The following TMCO6 variants were observed in gnomAD, a reference collection of about 807,000 sequenced individuals.
TMCO6 encodes the protein transmembrane and coiled-coil domain-containing protein 6.
Under a neutral mutation model 61.8 loss-of-function variants are expected in TMCO6, and 47 were observed. The observed-to-expected ratio is 0.76, with a 90% confidence interval of 0.60 to 0.97. The LOEUF (loss-of-function observed/expected upper bound fraction) is 0.97. Ranked by LOEUF, TMCO6 falls within the 50% of genes least tolerant of loss-of-function variation. TMCO6 has a pLI of 0.00. For synonymous variants in TMCO6, 261 were observed against 254.2 expected, an observed-to-expected ratio of 1.03 and a Z score of -0.25; for missense variants, 557 against 601.6, an observed-to-expected ratio of 0.93 and a Z score of 0.78.
downstream of TMCO6, chr5:140,647,717 AG>A (rs1293129386): frequency 1.5e-6 from 2 of 1,367,004 alleles, no homozygotes; most frequent in Admixed American, 3.9e-5. Flanking sequence ...ATGATATAAA[AG>A]TATTGTAGGA....
chr5:140,605,353 C>A, the TMCO6 span, among the ~76,000 whole-genome samples: 5 of 152,054 alleles, frequency 3.3e-5, no homozygotes, highest in African/African-American at 1.2e-4. Context: ...CTGGCTAAAA[C>A]TTCTGGTACG....
the TMCO6 span, among the ~76,000 whole-genome samples, chr5:140,596,736 A>G: frequency 6.6e-6 from 1 of 152,176 alleles, no homozygotes; most frequent in East Asian, 1.9e-4. Context: ...CCCCTGGGGT[A>G]TAAAGCCCAG....
chr5:140,619,398 C>T, the TMCO6 span, among the ~76,000 whole-genome samples: 1,775 of 152,150 alleles, frequency 0.012, 14 homozygotes, highest in Admixed American at 0.02. Context: ...AGCTTGGGCA[C>T]GGAGGAAGGT....
chr5:140,643,733 G>A, intron 8 of TMCO6, 47 bp from the exon 9 acceptor site: 1 of 1,607,470 alleles, frequency 6.2e-7, no homozygotes, highest in South Asian at 1.1e-5. Context: ...CTGGAATGCA[G>A]GTAACCTCTT....
the TMCO6 span, chr5:140,631,855 C>T: frequency 1.3e-6 from 2 of 1,547,838 alleles, no homozygotes; most frequent in East Asian, 4.5e-5. Context: ...TGTCTTGGAT[C>T]TTAGGCAAAG....
chr5:140,640,561 A>G (rs1266567019), intron 2 of TMCO6, among the ~76,000 whole-genome samples: 2 of 151,414 alleles, frequency 1.3e-5, no homozygotes, highest in East Asian at 3.9e-4. Flanking sequence ...GCGCGCCACC[A>G]CTAATTTTTG....
chr5:140,598,565 C>A, the TMCO6 span, among the ~76,000 whole-genome samples: 1 of 152,190 alleles, frequency 6.6e-6, no homozygotes, highest in East Asian at 1.9e-4. Flanking sequence ...AGTACAGTAT[C>A]TTTTGTTCCA....
At chr5:140,644,228 G>C in intron 10 of TMCO6, 34 bp downstream of exon 10, 2 of 1,601,840 alleles carry the variant, frequency 1.2e-6, no homozygotes, top group Non-Finnish European at 8.6e-7. Context: ...CCAAGATCTG[G>C]TAGTCGGATT....
the TMCO6 span, among the ~76,000 whole-genome samples, chr5:140,628,373 C>A: frequency 6.0e-3 from 921 of 152,236 alleles, 9 homozygotes; most frequent in African/African-American, 0.022. Context: ...TTTTATCCAG[C>A]CCCTGTTCAA....
chr5:140,643,119 T>A, intron 7 of TMCO6, 78 bp downstream of exon 7: 1 of 1,593,272 alleles, frequency 6.3e-7, no homozygotes, highest in Non-Finnish European at 8.6e-7. Flanking sequence ...TGAACTTGTG[T>A]CTGGAATTGC....
chr5:140,639,815 A>T lies in TMCO6; in HGVS notation c.162A>T (p.Gly54=). 6.2e-7 allele frequency: 1 copy of T among 1,609,894 alleles called. No individual in the cohort carries two copies. Among genetic ancestry groups the T allele is most frequent in the Non-Finnish European group, 8.5e-7 (1 of 1,178,688 alleles). The stretch of plus-strand genomic sequence containing the variant: ...GAAACGACGCCCCAGAGGAAGCTGG[A>T]GAGGGATGTGTGGCTGCGATCCTCG... The part of the protein sequence containing the change: ...LLRNDAPEEA[G]EGCVAAILGE... Residue 54 remains glycine (G), a synonymous_variant, in exon 2 of 12, where the codon GGA becomes GGT. Coordinates refer to ENST00000394671, the MANE Select transcript of TMCO6 (RefSeq NM_018502.5).
At chr5:140,620,116 TG>T in the TMCO6 span, among the ~76,000 whole-genome samples, 2 of 152,176 alleles carry the variant, frequency 1.3e-5, no homozygotes, top group East Asian at 3.8e-4. Context: ...TGCCAAAACT[TG>T]GGGGCAACTA....
chr5:140,639,923 T>C, intron 2 of TMCO6, 72 bp downstream of exon 2: 1 of 1,354,668 alleles, frequency 7.4e-7, no homozygotes, highest in Non-Finnish European at 1.0e-6. Context: ...ACTCGAGGTC[T>C]GCCCCAAACC....
chr5:140,622,407 C>T, the TMCO6 span, among the ~76,000 whole-genome samples: 1 of 152,204 alleles, frequency 6.6e-6, no homozygotes. Context: ...CCCCTGCTAT[C>T]TGCTCAAGTT....
At chr5:140,617,932 G>A in the TMCO6 span, among the ~76,000 whole-genome samples, 6 of 152,216 alleles carry the variant, frequency 3.9e-5, no homozygotes, top group African/African-American at 1.4e-4. Context: ...TATGCAAAAC[G>A]GTACGAGCAA....
chr5:140,609,378 G>A, the TMCO6 span: 1 of 257,550 alleles, frequency 3.9e-6, no homozygotes, highest in South Asian at 4.2e-5. Context: ...GCCGCCAAGA[G>A]GAAAGCAGCT....
At chr5:140,610,661 T>C in the TMCO6 span, among the ~76,000 whole-genome samples, 163 of 152,366 alleles carry the variant, frequency 1.1e-3, 1 homozygote, top group African/African-American at 3.7e-3. Context: ...TATGTGATTA[T>C]ATAATCTGTG....
chr5:140,608,185 C>G, the TMCO6 span, among the ~76,000 whole-genome samples: 2 of 152,094 alleles, frequency 1.3e-5, no homozygotes, highest in Non-Finnish European at 2.9e-5. Flanking sequence ...TTCTTTGTGG[C>G]AATGTTCAGT....
In TMCO6 at chr5:140,645,134, T is replaced by C; in HGVS notation, c.*36T>C. On this transcript the variant is annotated 3_prime_UTR_variant, in exon 12 of 12. Transcript: ENST00000394671. ...CAATGTCACTCATTCCCCTCTCTCT[T>C]AACATCAAGCTTGTTTGTCCAGTAG... 1.3e-6 allele frequency: 2 copies of C among 1,592,972 alleles called. No homozygotes were observed. Among genetic ancestry groups the C allele is most frequent in the Non-Finnish European group, 1.7e-6 (2 of 1,161,464 alleles).
Sources: gnomAD v4.1 joint callset for allele counts (sites outside exome capture counted in the v4.1 genomes callset) on GRCh38, gnomAD v4.1.1 for gene constraint, MANE v1.5 for transcripts, NCBI Gene and HGNC (gene_info 2026-07-23, HGNC 2026-07-21) for gene names.